Variants in NTNG1 observed in about 807,000 individuals in gnomAD.
NTNG1 encodes netrin G1.
A neutral mutation model predicts 54.0 loss-of-function variants in NTNG1; 16 were observed. The ratio of observed to expected loss-of-function variants is 0.30; its 90% CI spans 0.20 to 0.45. NTNG1 has a LOEUF of 0.45. Ranked by LOEUF, NTNG1 falls within the 20% of genes least tolerant of loss-of-function variation. The pLI, the probability that NTNG1 is intolerant of heterozygous loss-of-function variation, is 1.00. For missense variants in NTNG1, 530 were observed against 678.7 expected, an observed-to-expected ratio of 0.78 and a Z score of 2.43; for synonymous variants, 255 against 263.1, an observed-to-expected ratio of 0.97 and a Z score of 0.30.
intron 5 of NTNG1, among the ~76,000 whole-genome samples, chr1:107,427,465 T>C (rs1232672466): frequency 6.6e-6 from 1 of 152,116 alleles, no homozygotes; most frequent in East Asian, 1.9e-4. Flanking sequence ...GTTCTGTGCC[T>C]GTGTGGAAAG....
At chr1:107,454,418 AAAGTAG>A (rs748654357) in intron 7 of NTNG1, among the ~76,000 whole-genome samples, 15 of 152,196 alleles carry the variant, frequency 9.9e-5, no homozygotes, top group Non-Finnish European at 1.6e-4. Flanking sequence ...ACCCTGCCGT[AAAGTAG>A]ACACTGCTGA....
intron 3 of NTNG1, among the ~76,000 whole-genome samples, chr1:107,332,361 A>G (rs1230928566): frequency 6.6e-6 from 1 of 152,104 alleles, no homozygotes; most frequent in Non-Finnish European, 1.5e-5. Flanking sequence ...TTTAAGAAAC[A>G]TAAGGATATT....
intron 2 of NTNG1, among the ~76,000 whole-genome samples, chr1:107,233,369 A>T (rs935346251): frequency 6.6e-6 from 1 of 152,184 alleles, no homozygotes; most frequent in Non-Finnish European, 1.5e-5. Context: ...GAACTCTAGC[A>T]TTCCACTGGG....
chr1:107,233,847 A>G (rs1557831424), intron 2 of NTNG1, among the ~76,000 whole-genome samples: 1 of 152,174 alleles, frequency 6.6e-6, no homozygotes, highest in Non-Finnish European at 1.5e-5. Flanking sequence ...AAACCATGTA[A>G]TTAGAACCAC....
chr1:107,391,360 G>T (rs575094162), intron 3 of NTNG1, among the ~76,000 whole-genome samples: 3 of 152,148 alleles, frequency 2.0e-5, no homozygotes, highest in Admixed American at 1.3e-4. Flanking sequence ...TGGGTAGAGA[G>T]GGGCATGCCT....
At chr1:107,460,025 T>C (rs1486105440) in intron 7 of NTNG1, among the ~76,000 whole-genome samples, 2 of 152,206 alleles carry the variant, frequency 1.3e-5, no homozygotes, top group Non-Finnish European at 1.5e-5. Context: ...CACTTTGTTC[T>C]TTTCCTTTTC....
chr1:107,384,292 C>T (rs918564002), intron 3 of NTNG1, among the ~76,000 whole-genome samples: 4 of 152,182 alleles, frequency 2.6e-5, no homozygotes, highest in African/African-American at 9.7e-5. Context: ...CTTCACTATA[C>T]TCAAGTTTAG....
chr1:107,193,418 A>G (rs1286626658), intron 2 of NTNG1, among the ~76,000 whole-genome samples: 1 of 152,050 alleles, frequency 6.6e-6, no homozygotes, highest in Admixed American at 6.6e-5. Flanking sequence ...AACTGAATTC[A>G]TGCTCTTTGT....
chr1:107,430,725 A>G (rs762706374), intron 5 of NTNG1, 25 bp from the exon 6 acceptor site: 5 of 1,611,934 alleles, frequency 3.1e-6, no homozygotes, highest in East Asian at 2.2e-5. Flanking sequence ...TACACTCTGT[A>G]TACATTTCTG....
intron 3 of NTNG1, among the ~76,000 whole-genome samples, chr1:107,377,696 C>A (rs1557947374): frequency 6.6e-6 from 1 of 152,130 alleles, no homozygotes. Flanking sequence ...AGTGCTTGGG[C>A]AAAAAGATGC....
Position 107,434,213 on chromosome 1 carries a change from C to T in NTNG1, c.1256-2452C>T, listed in dbSNP as rs79321785. 9.9e-3 allele frequency among the ~76,000 whole-genome samples: 1,503 copies of T among 152,274 alleles called. 23 individuals are homozygous for T. The highest frequency in any genetic ancestry group is 0.034 in the African/African-American group (1,422 of 41,564). ...ACTCATATCTTTGACAAAATGTAGGCTCTGTGTGATGAAATAGATGTTGTA... is the reference window on the plus strand; with the variant it reads ...ACTCATATCTTTGACAAAATGTAGGTTCTGTGTGATGAAATAGATGTTGTA... On this transcript the variant is annotated intron_variant, in intron 6 of 7. Transcript: ENST00000370068.
intron 2 of NTNG1, among the ~76,000 whole-genome samples, chr1:107,239,381 GT>G (rs1299146933): frequency 6.6e-6 from 1 of 152,178 alleles, no homozygotes; most frequent in Non-Finnish European, 1.5e-5. Flanking sequence ...GGTGGGACAG[GT>G]TTGACATCTC....
At chr1:107,203,418 G>T (rs1387790791) in intron 2 of NTNG1, among the ~76,000 whole-genome samples, 1 of 151,010 alleles carries the variant, frequency 6.6e-6, no homozygotes, top group African/African-American at 2.4e-5. Context: ...ATTTTCTATT[G>T]TTTCCTAGTC....
At chr1:107,299,629 TAGTAAGCAGCA>T (rs1224037701) in intron 2 of NTNG1, among the ~76,000 whole-genome samples, 3 of 152,136 alleles carry the variant, frequency 2.0e-5, no homozygotes, top group African/African-American at 7.2e-5. Context: ...ATCTCACAGC[TAGTAAGCAGCA>T]GAGCCAACAT....
At chr1:107,210,826 C>A (rs1203140501) in intron 2 of NTNG1, among the ~76,000 whole-genome samples, 1 of 152,146 alleles carries the variant, frequency 6.6e-6, no homozygotes, top group East Asian at 1.9e-4. Context: ...GCTTTCCATG[C>A]CACACTCTCT....
At chr1:107,336,937 G>GT (rs1166777361) in intron 3 of NTNG1, among the ~76,000 whole-genome samples, 2 of 151,878 alleles carry the variant, frequency 1.3e-5, no homozygotes, top group Non-Finnish European at 2.9e-5. Context: ...CTTCACACCC[G>GT]TCAGAATGAT....
chr1:107,417,169 G>A (rs899883206), intron 5 of NTNG1, among the ~76,000 whole-genome samples: 1 of 152,020 alleles, frequency 6.6e-6, no homozygotes, highest in Non-Finnish European at 1.5e-5. Flanking sequence ...TACCAAATAT[G>A]TATTTATTTA....
At chr1:107,462,487 C>T (rs564331884) in intron 7 of NTNG1, among the ~76,000 whole-genome samples, 1 of 152,286 alleles carries the variant, frequency 6.6e-6, no homozygotes, top group Admixed American at 6.5e-5. Flanking sequence ...GGAAAAATGC[C>T]TGATAGGAGA....
intron 3 of NTNG1, among the ~76,000 whole-genome samples, chr1:107,341,056 A>C (rs1570717726): frequency 6.6e-6 from 1 of 152,188 alleles, no homozygotes; most frequent in East Asian, 1.9e-4. Context: ...TGAGAGGCCA[A>C]AGTGAAAAGA....
Sources: allele counts gnomAD v4.1 joint callset (sites outside exome capture counted in the v4.1 genomes callset), GRCh38; gene constraint gnomAD v4.1.1; transcripts MANE v1.5; gene names NCBI Gene and HGNC (gene_info 2026-07-23, HGNC 2026-07-21).